TMEM132D: variants seen among roughly 807,000 people sequenced by gnomAD.
The protein encoded by TMEM132D is mature OL transmembrane protein.
In TMEM132D, 21 loss-of-function variants were observed where a neutral mutation model predicts 62.3. That is an observed-to-expected ratio of 0.34 (90% CI 0.24 to 0.49). TMEM132D has a LOEUF of 0.49. Ranked by LOEUF, TMEM132D falls within the 20% of genes least tolerant of loss-of-function variation. TMEM132D has a pLI of 0.99. For missense variants in TMEM132D, 1,346 were observed against 1,402.8 expected (o/e 0.96, Z 0.65); for synonymous variants, 621 against 575.6 (o/e 1.08, Z -1.13).
intron 5 of TMEM132D, among the ~76,000 whole-genome samples, chr12:129,176,423 G>A (rs2135548857): frequency 6.6e-6 from 1 of 152,340 alleles, no homozygotes; most frequent in Admixed American, 6.5e-5. Context: ...CCACCATTGG[G>A]TTGCCATAGG....
intron 1 of TMEM132D, among the ~76,000 whole-genome samples, chr12:129,799,040 C>T (rs368099216): frequency 6.6e-5 from 10 of 152,232 alleles, no homozygotes; most frequent in East Asian, 1.9e-4. Context: ...CCAAGGCGGG[C>T]GGATCACAAG....
intron 2 of TMEM132D, among the ~76,000 whole-genome samples, chr12:129,638,792 T>G (rs566238923): frequency 2.0e-5 from 3 of 151,886 alleles, no homozygotes; most frequent in Non-Finnish European, 4.4e-5. Flanking sequence ...CCCACTCAGG[T>G]CCAATGCTGT....
intron 2 of TMEM132D, among the ~76,000 whole-genome samples, chr12:129,556,866 T>C (rs922175579): frequency 2.6e-5 from 4 of 152,350 alleles, no homozygotes; most frequent in Middle Eastern, 3.4e-3. Flanking sequence ...GAAAATTCTA[T>C]TGGAGAGAAA....
In TMEM132D at chr12:129,354,315, G is replaced by GTATATATATA. The variant is rs35875993; in HGVS notation, c.1116-16508_1116-16499dup. Among the ~76,000 whole-genome samples, 1,208 of 148,004 alleles carry GTATATATATA rather than the reference G, an allele frequency of 8.2e-3. 21 individuals are homozygous for GTATATATATA. Among genetic ancestry groups the GTATATATATA allele is most frequent in the African/African-American group, 0.029 (1,156 of 39,676 alleles). ...TGATGCAAAAACTAAACTTTATTGG[G>GTATATATATA]TATATATATATATATATACATATTT... On this transcript the variant is annotated intron_variant, in intron 3 of 8. Transcript: ENST00000422113.
chr12:129,551,399 A>C (rs765485166), intron 2 of TMEM132D, among the ~76,000 whole-genome samples: 4 of 152,190 alleles, frequency 2.6e-5, no homozygotes, highest in Non-Finnish European at 5.9e-5. Context: ...TTAGGAAGGC[A>C]TGTCTCTCTC....
intron 5 of TMEM132D, among the ~76,000 whole-genome samples, chr12:129,183,225 C>G (rs1490372708): frequency 1.3e-5 from 2 of 152,230 alleles, no homozygotes; most frequent in African/African-American, 2.4e-5. Context: ...TAGTCTGGAA[C>G]AGCCAAAGTA....
At chr12:129,336,437 A>G (rs1347680171) in intron 4 of TMEM132D, among the ~76,000 whole-genome samples, 3 of 152,122 alleles carry the variant, frequency 2.0e-5, no homozygotes, top group African/African-American at 7.2e-5. Flanking sequence ...TTAGCCAGGC[A>G]TGGTGGTGGG....
chr12:129,823,954 G>T (rs1465439395), intron 1 of TMEM132D, among the ~76,000 whole-genome samples: 1 of 152,128 alleles, frequency 6.6e-6, no homozygotes. Context: ...AGAGGCCTTA[G>T]CATGAGCCAG....
chr12:129,465,784 G>C (rs1873871074), intron 3 of TMEM132D, among the ~76,000 whole-genome samples: 1 of 152,158 alleles, frequency 6.6e-6, no homozygotes, highest in Non-Finnish European at 1.5e-5. Flanking sequence ...CCAGGTTCAG[G>C]TGATTTTTGT....
chr12:129,223,887 CT>C (rs777720449), intron 4 of TMEM132D, among the ~76,000 whole-genome samples: 1 of 152,218 alleles, frequency 6.6e-6, no homozygotes, highest in East Asian at 1.9e-4. Context: ...ATATTGTTCA[CT>C]GTGGAGCAGG....
At chr12:129,114,586 T>G (rs1875834511) in intron 5 of TMEM132D, among the ~76,000 whole-genome samples, 1 of 152,352 alleles carries the variant, frequency 6.6e-6, no homozygotes, top group East Asian at 1.9e-4. Flanking sequence ...TGACATTTCA[T>G]GAAGCAAACA....
At chr12:129,764,889 T>C (rs7974878) in intron 1 of TMEM132D, among the ~76,000 whole-genome samples, 144,052 of 152,180 alleles carry the variant, frequency 0.95, 68,459 homozygotes, top group Non-Finnish European at 1. Flanking sequence ...TGCAGTGAGC[T>C]GTGATCACAC....
chr12:129,150,110 G>A (rs965615558), intron 5 of TMEM132D, among the ~76,000 whole-genome samples: 2 of 152,230 alleles, frequency 1.3e-5, no homozygotes, highest in African/African-American at 4.8e-5. Flanking sequence ...GACAGCACAG[G>A]CCAGGGGCAA....
chr12:129,863,415 G>A (rs1020998003), intron 1 of TMEM132D, among the ~76,000 whole-genome samples: 29 of 152,130 alleles, frequency 1.9e-4, no homozygotes, highest in African/African-American at 5.8e-4. Flanking sequence ...ACATTAACAC[G>A]GCGAGTCTGG....
At chr12:129,639,835 A>AT (rs1394916161) in intron 2 of TMEM132D, among the ~76,000 whole-genome samples, 8 of 151,850 alleles carry the variant, frequency 5.3e-5, no homozygotes, top group Non-Finnish European at 7.4e-5. Flanking sequence ...TTTTTTCTCC[A>AT]TTTTTTTACT....
chr12:129,210,051 A>G (rs181553287), intron 4 of TMEM132D: 149 of 177,212 alleles, frequency 8.4e-4, no homozygotes, highest in African/African-American at 3.4e-3. Context: ...CAGATGGCAC[A>G]GAGAGCTTTT....
chr12:129,830,977 T>C (rs901854044), intron 1 of TMEM132D, among the ~76,000 whole-genome samples: 27 of 152,048 alleles, frequency 1.8e-4, no homozygotes, highest in African/African-American at 6.3e-4. Flanking sequence ...GCTCCCCTCC[T>C]CCCCTTCCCT....
chr12:129,415,507 A>G (rs920225700), intron 3 of TMEM132D, among the ~76,000 whole-genome samples: 1 of 152,226 alleles, frequency 6.6e-6, no homozygotes, highest in Non-Finnish European at 1.5e-5. Flanking sequence ...TAGATATCTA[A>G]TATTTTCTGC....
chr12:129,707,777 C>T (rs76886269), intron 1 of TMEM132D, among the ~76,000 whole-genome samples: 2,545 of 152,156 alleles, frequency 0.017, 105 homozygotes, highest in East Asian at 0.13. Context: ...TTGCGCTGGA[C>T]GCAGTGCTGG....
Sources: allele counts gnomAD v4.1 joint callset (sites outside exome capture counted in the v4.1 genomes callset), GRCh38; gene constraint gnomAD v4.1.1; transcripts MANE v1.5; gene names NCBI Gene and HGNC (gene_info 2026-07-23, HGNC 2026-07-21).